CNTNAP2: variants seen among roughly 807,000 people sequenced by gnomAD.
CNTNAP2 encodes contactin-associated protein-like 2.
In CNTNAP2, 98 loss-of-function variants were observed where a neutral mutation model predicts 155.2. The observed-to-expected ratio is 0.63, with a 90% CI of 0.54 to 0.75. CNTNAP2 has a LOEUF of 0.75. CNTNAP2 is among the 30% of genes least tolerant of loss of function. The pLI is 0.00. For synonymous variants in CNTNAP2, 651 were observed against 631.2 expected (o/e 1.03, Z -0.47); for missense variants, 1,727 against 1,688.1 (o/e 1.02, Z -0.40).
At chr7:148,093,988 G>A (rs1585121852) in intron 15 of CNTNAP2, among the ~76,000 whole-genome samples, 2 of 152,100 alleles carry the variant, frequency 1.3e-5, no homozygotes, top group East Asian at 3.9e-4. Flanking sequence ...AAACTCCTGA[G>A]CTCAAGCGAT....
intron 13 of CNTNAP2, among the ~76,000 whole-genome samples, chr7:147,896,845 G>A (rs931374672): frequency 2.6e-5 from 4 of 152,168 alleles, no homozygotes; most frequent in Non-Finnish European, 5.9e-5. Context: ...GTGGGAAAGG[G>A]CTATTATCAT....
chr7:146,556,432 G>C (rs1266480549), intron 1 of CNTNAP2, among the ~76,000 whole-genome samples: 1 of 152,028 alleles, frequency 6.6e-6, no homozygotes, highest in Non-Finnish European at 1.5e-5. Context: ...TGATAGGAGG[G>C]GTAATAACAT....
At chr7:147,708,015 C>T (rs546886690) in intron 13 of CNTNAP2, among the ~76,000 whole-genome samples, 1 of 152,142 alleles carries the variant, frequency 6.6e-6, no homozygotes, top group South Asian at 2.1e-4. Flanking sequence ...GACTGGTGGA[C>T]CTGTCCTCAG....
At chr7:146,877,734 T>C (rs530826142) in intron 3 of CNTNAP2, among the ~76,000 whole-genome samples, 1 of 152,098 alleles carries the variant, frequency 6.6e-6, no homozygotes, top group South Asian at 2.1e-4. Flanking sequence ...GCTATTTGGA[T>C]ATTTACTTTG....
chr7:146,774,722 C>T (rs928137471), intron 2 of CNTNAP2, among the ~76,000 whole-genome samples: 25 of 152,078 alleles, frequency 1.6e-4, no homozygotes, highest in African/African-American at 5.1e-4. Context: ...GAATTGACTC[C>T]CAAAATGCGT....
intron 21 of CNTNAP2, among the ~76,000 whole-genome samples, chr7:148,348,845 A>G (rs1299705530): frequency 1.3e-5 from 2 of 152,212 alleles, no homozygotes; most frequent in Non-Finnish European, 2.9e-5. Context: ...GAGACTTTTC[A>G]TTTCTTCTGA....
chr7:148,258,814 T>G (rs554833195), intron 20 of CNTNAP2, among the ~76,000 whole-genome samples: 1 of 151,944 alleles, frequency 6.6e-6, no homozygotes, highest in African/African-American at 2.4e-5. Flanking sequence ...GAGGATCACT[T>G]GAGCCCAGGA....
At position 146,596,595 on chromosome 7, in the gene CNTNAP2, C is replaced by CAGACAGAGAG. The variant is rs71165017; in HGVS notation, c.98-177673_98-177672insCAGAGAGAGA. On this transcript the variant is annotated intron_variant, in intron 1 of 23. Transcript: ENST00000361727. Reference sequence around the variant, plus strand: ...AAGAAAGAGAGAGATAGAAGGGAGACAGAGAGAGAGAGAGAGAGAGAGAGA... The same window carrying CAGACAGAGAG: ...AAGAAAGAGAGAGATAGAAGGGAGACAGACAGAGAGAGAGAGAGAGAGAGAGAGAGAGAGA... 5.4e-3 allele frequency among the ~76,000 whole-genome samples: 568 copies of CAGACAGAGAG among 105,052 alleles called. 3 individuals are homozygous for CAGACAGAGAG. The highest frequency in any genetic ancestry group is 8.2e-3 in the Non-Finnish European group (416 of 50,920). 68.9% of individuals were successfully genotyped at this position (105,052 alleles called of 152,430 possible). A position where few individuals can be genotyped will look rare whatever the true frequency, so the allele number is the denominator to read the frequency against.
intron 8 of CNTNAP2, among the ~76,000 whole-genome samples, chr7:147,160,887 C>T (rs1249757208): frequency 6.6e-6 from 1 of 152,090 alleles, no homozygotes; most frequent in Non-Finnish European, 1.5e-5. Flanking sequence ...TGCTGAGTAA[C>T]TAGAGAGGCT....
intron 8 of CNTNAP2, among the ~76,000 whole-genome samples, chr7:147,246,802 C>G (rs1309325035): frequency 6.6e-6 from 1 of 152,084 alleles, no homozygotes; most frequent in Non-Finnish European, 1.5e-5. Context: ...CATGGCCTAA[C>G]CAAGTTACAA....
chr7:146,322,634 C>CTTTTGTTTTTTTTT (rs1801025367), intron 1 of CNTNAP2, among the ~76,000 whole-genome samples: 1 of 64,964 alleles, frequency 1.5e-5, no homozygotes, highest in African/African-American at 5.6e-5. Context: ...TGTTCATTCT[C>CTTTTGTTTTTTTTT]TTTTTTTTTT....
intron 1 of CNTNAP2, among the ~76,000 whole-genome samples, chr7:146,477,594 A>G (rs373933187): frequency 5.3e-5 from 8 of 151,016 alleles, no homozygotes; most frequent in East Asian, 1.9e-4. Context: ...TCCTCTATTC[A>G]AAGATTCCAG....
intron 1 of CNTNAP2, among the ~76,000 whole-genome samples, chr7:146,327,345 C>T (rs1801114986): frequency 6.6e-6 from 1 of 152,022 alleles, no homozygotes; most frequent in Non-Finnish European, 1.5e-5. Context: ...ATTAAATTTA[C>T]AAGAAAATTA....
intron 14 of CNTNAP2, among the ~76,000 whole-genome samples, chr7:147,938,610 A>G (rs958229322): frequency 2.6e-5 from 4 of 152,214 alleles, no homozygotes; most frequent in Non-Finnish European, 4.4e-5. Flanking sequence ...TGAAGATAAT[A>G]CCTTTATGAT....
chr7:146,888,699 C>A (rs528678389), intron 3 of CNTNAP2, among the ~76,000 whole-genome samples: 8 of 151,824 alleles, frequency 5.3e-5, no homozygotes, highest in Non-Finnish European at 1.0e-4. Flanking sequence ...TCACTTGAGA[C>A]AACATAGATG....
intron 1 of CNTNAP2, among the ~76,000 whole-genome samples, chr7:146,258,199 C>G (rs1203712525): frequency 6.6e-6 from 1 of 152,082 alleles, no homozygotes; most frequent in Non-Finnish European, 1.5e-5. Flanking sequence ...GTCTATCCAG[C>G]TATTTGTCTT....
rs7795334 is a variant in CNTNAP2, at chr7:146,839,027, C to A, written c.209-684C>A. Among the ~76,000 whole-genome samples the A allele has an allele frequency of 9.0e-3, 1,368 of 152,184 alleles. 12 individuals are homozygous for A. Among genetic ancestry groups the A allele is most frequent in the Non-Finnish European group, 0.014 (937 of 67,990 alleles). ...GCCATTTTTCTAACAAATGTTTTTA[C>A]ATTCTTACTATTTGCTGAGCAATTC... is the stretch of plus-strand genomic sequence containing the variant. On this transcript the variant is annotated intron_variant, in intron 2 of 23. Coordinates refer to ENST00000361727, the MANE Select transcript of CNTNAP2 (RefSeq NM_014141.6).
At chr7:147,348,929 A>G (rs1413792361) in intron 9 of CNTNAP2, among the ~76,000 whole-genome samples, 3 of 152,026 alleles carry the variant, frequency 2.0e-5, no homozygotes, top group Non-Finnish European at 4.4e-5. Context: ...GTGCAAGCTT[A>G]AAAATGTTGA....
chr7:146,905,650 T>G (rs1796105202), intron 3 of CNTNAP2, among the ~76,000 whole-genome samples: 1 of 152,224 alleles, frequency 6.6e-6, no homozygotes, highest in African/African-American at 2.4e-5. Flanking sequence ...CAACTTTTCT[T>G]TGTAGCTGTC....
Sources: gnomAD v4.1 joint callset for allele counts (sites outside exome capture counted in the v4.1 genomes callset) on GRCh38, gnomAD v4.1.1 for gene constraint, MANE v1.5 for transcripts, NCBI Gene and HGNC (gene_info 2026-07-23, HGNC 2026-07-21) for gene names.